The following UBAC2 variants were observed in gnomAD, a reference collection of about 807,000 sequenced individuals.
UBAC2 encodes the protein ubiquitin-associated domain-containing protein 2.
Under a neutral mutation model 44.0 loss-of-function variants are expected in UBAC2, and 26 were observed. The ratio of observed to expected loss-of-function variants is 0.59; its 90% CI spans 0.43 to 0.82. UBAC2 has a LOEUF of 0.82. UBAC2 is among the 40% of genes least tolerant of loss of function. The pLI is 0.00. For synonymous variants in UBAC2, 155 were observed against 154.3 expected, an observed-to-expected ratio of 1.00 and a Z score of -0.04; for missense variants, 329 against 419.4, an observed-to-expected ratio of 0.78 and a Z score of 1.88.
rs75879053 is a variant in UBAC2 at position 99,357,349 on chromosome 13, T to C, written c.808-10438T>C. ...TGTTAAGCGACACGTGACTACAGTT[T>C]TAAGTCTAACAAGATGCCTCTCGTT... On this transcript the variant is annotated intron_variant, in intron 7 of 8. Coordinates refer to ENST00000403766, the MANE Select transcript of UBAC2 (RefSeq NM_001144072.2). Among the ~76,000 whole-genome samples the C allele has an allele frequency of 4.1e-3, 628 of 152,302 alleles. 19 individuals are homozygous for C. Among genetic ancestry groups the C allele is most frequent in the East Asian group, 0.025 (132 of 5,188 alleles).
At chr13:99,225,861 C>T (rs1286023016) in intron 1 of UBAC2, among the ~76,000 whole-genome samples, 1 of 152,132 alleles carries the variant, frequency 6.6e-6, no homozygotes, top group Non-Finnish European at 1.5e-5. Context: ...TAATTGATGA[C>T]GTCTTAGAAT....
chr13:99,262,081 C>G (rs928346438), intron 4 of UBAC2, among the ~76,000 whole-genome samples: 5 of 152,176 alleles, frequency 3.3e-5, no homozygotes, highest in African/African-American at 1.2e-4. Context: ...CTCCCTTTGC[C>G]CAGTGTCTCC....
intron 4 of UBAC2, among the ~76,000 whole-genome samples, chr13:99,270,364 A>G (rs2043800216): frequency 6.6e-6 from 1 of 152,194 alleles, no homozygotes; most frequent in African/African-American, 2.4e-5. Context: ...TTTTCACTAG[A>G]ATGCACATGT....
intron 6 of UBAC2, among the ~76,000 whole-genome samples, chr13:99,327,389 A>G (rs912242300): frequency 6.6e-6 from 1 of 152,104 alleles, no homozygotes; most frequent in African/African-American, 2.4e-5. Context: ...GGGTCTTCAC[A>G]TTGTCTTTTT....
chr13:99,315,712 GATA>G (rs1200965856), intron 5 of UBAC2, among the ~76,000 whole-genome samples: 1 of 152,146 alleles, frequency 6.6e-6, no homozygotes, highest in African/African-American at 2.4e-5. Context: ...AATCTGAACA[GATA>G]ATAAGAGTTA....
At chr13:99,238,651 C>A (rs890277666) in intron 2 of UBAC2, 97 bp downstream of exon 2, 7 of 1,124,872 alleles carry the variant, frequency 6.2e-6, no homozygotes, top group Middle Eastern at 5.7e-4. Flanking sequence ...TCCCTCAAAG[C>A]CCCCAATTTG....
chr13:99,208,067 G>A (rs2042894806), intron 1 of UBAC2, among the ~76,000 whole-genome samples: 1 of 144,380 alleles, frequency 6.9e-6, no homozygotes, highest in South Asian at 2.2e-4. Context: ...GCGTGATCTT[G>A]GCTCACTGCA....
At chr13:99,201,908 C>G (rs898957895) in intron 1 of UBAC2, among the ~76,000 whole-genome samples, 1 of 151,944 alleles carries the variant, frequency 6.6e-6, no homozygotes, top group African/African-American at 2.4e-5. Context: ...CGTCTCTCTA[C>G]TAAAAACACA....
intron 4 of UBAC2, among the ~76,000 whole-genome samples, chr13:99,309,922 T>C (rs2044389938): frequency 6.6e-6 from 1 of 152,246 alleles, no homozygotes; most frequent in Non-Finnish European, 1.5e-5. Flanking sequence ...ACCTTTTCTA[T>C]AGAAGAAGTG....
In UBAC2 at chr13:99,263,299, G is replaced by A. The variant is rs150434375; in HGVS notation, c.389+18675G>A. On this transcript the variant is annotated intron_variant, in intron 4 of 8. Coordinates refer to ENST00000403766, the MANE Select transcript of UBAC2 (RefSeq NM_001144072.2). ...TTTTATAGCTGGATCCTGGCAGCTC[G>A]TACATGTAATTGTGGTGTCTGGGAT... Among the ~76,000 whole-genome samples, 196 of 152,276 alleles carry A rather than the reference G, an allele frequency of 1.3e-3. 1 individual carries two copies. Among genetic ancestry groups the A allele is most frequent in the African/African-American group, 4.4e-3 (183 of 41,544 alleles).
chr13:99,364,188 A>G (rs2138886987), intron 7 of UBAC2, among the ~76,000 whole-genome samples: 1 of 151,844 alleles, frequency 6.6e-6, no homozygotes, highest in Non-Finnish European at 1.5e-5. Flanking sequence ...TGCTGAATGC[A>G]AGAATTGGTA....
intron 4 of UBAC2, among the ~76,000 whole-genome samples, chr13:99,287,629 TTTTTTTTTTCTTTC>T (rs1320382207): frequency 6.9e-5 from 8 of 116,614 alleles, no homozygotes; most frequent in Non-Finnish European, 1.3e-4. Flanking sequence ...TTCTTTCTTC[TTTTTTTTTTCTTTC>T]TTTTTTTTTT....
rs189629803 is a variant in UBAC2, at chr13:99,323,504, G to A, written c.561+5435G>A. Among the ~76,000 whole-genome samples, 10 of 152,320 alleles carry A rather than the reference G, an allele frequency of 6.6e-5. No homozygotes were observed. In the East Asian group the frequency reaches 1.7e-3, roughly 26 times the overall value. On this transcript the variant is annotated intron_variant, in intron 6 of 8. Coordinates refer to ENST00000403766, the MANE Select transcript of UBAC2 (RefSeq NM_001144072.2). Reference sequence around the variant, plus strand: ...CAAAGCCATGAGGGTGATGGGACTTGTGAAAGGACCACATGTAGAAGTTGA... The same window carrying A: ...CAAAGCCATGAGGGTGATGGGACTTATGAAAGGACCACATGTAGAAGTTGA...
chr13:99,223,961 G>A (rs1239870610), intron 1 of UBAC2, among the ~76,000 whole-genome samples: 1 of 152,280 alleles, frequency 6.6e-6, no homozygotes, highest in Middle Eastern at 3.4e-3. Context: ...ACTTGCCGTT[G>A]TTGGGTGGAG....
intron 7 of UBAC2, 131 bp from the exon 8 acceptor site, chr13:99,367,656 G>A: frequency 7.8e-7 from 1 of 1,275,780 alleles, no homozygotes; most frequent in Non-Finnish European, 1.1e-6. Context: ...TGAATTGCTT[G>A]CATAGAGCGG....
intron 6 of UBAC2, among the ~76,000 whole-genome samples, chr13:99,331,413 A>G (rs2044714709): frequency 6.6e-6 from 1 of 152,232 alleles, no homozygotes; most frequent in Non-Finnish European, 1.5e-5. Context: ...GCAGGTTTCT[A>G]AGACAGTATG....
chr13:99,352,886 C>T (rs1309308437), intron 7 of UBAC2, among the ~76,000 whole-genome samples: 3 of 152,194 alleles, frequency 2.0e-5, no homozygotes, highest in Non-Finnish European at 4.4e-5. Context: ...TCCGTCTCCA[C>T]CCCTGTGTCC....
chr13:99,298,504 A>G (rs1221548079), intron 4 of UBAC2, among the ~76,000 whole-genome samples: 3 of 152,210 alleles, frequency 2.0e-5, no homozygotes, highest in African/African-American at 7.2e-5. Flanking sequence ...AATCTGAGAT[A>G]GATATAAAGC....
At chr13:99,233,533 G>A (rs930638324) in intron 1 of UBAC2, among the ~76,000 whole-genome samples, 6 of 152,250 alleles carry the variant, frequency 3.9e-5, no homozygotes, top group Admixed American at 3.3e-4. Context: ...TGGGTAGGTG[G>A]AGCAGCCAGA....
Sources: gnomAD v4.1 joint callset for allele counts (sites outside exome capture counted in the v4.1 genomes callset) on GRCh38, gnomAD v4.1.1 for gene constraint, MANE v1.5 for transcripts, NCBI Gene and HGNC (gene_info 2026-07-23, HGNC 2026-07-21) for gene names.